The following NXF1 variants were observed in gnomAD, a reference collection of about 807,000 sequenced individuals.
The protein encoded by NXF1 is nuclear RNA export factor 1, also known as mRNA export factor TAP.
In NXF1, 43 loss-of-function variants were observed where a neutral mutation model predicts 92.4. The observed-to-expected ratio is 0.47, with a 90% CI of 0.36 to 0.60. The LOEUF (loss-of-function observed/expected upper bound fraction) is 0.60. Ranked by LOEUF, NXF1 falls within the 20% of genes least tolerant of loss-of-function variation. The pLI is 0.00. For synonymous variants in NXF1, 288 were observed against 292.2 expected, an observed-to-expected ratio of 0.99 and a Z score of 0.15; for missense variants, 576 against 793.0, an observed-to-expected ratio of 0.73 and a Z score of 3.29.
chr11:62,799,361 C>T, intron 10 of NXF1: 7 of 985,816 alleles, frequency 7.1e-6, no homozygotes, highest in Non-Finnish European at 8.4e-6. Flanking sequence ...TGTCTGCTAC[C>T]TGGGTCCCGA....
Position 62,800,498 on chromosome 11 carries a change from G to T in NXF1, c.907-12C>A, listed in dbSNP as rs771244159. On this transcript the variant is annotated splice_polypyrimidine_tract_variant and intron_variant, in intron 9 of 20. Coordinates refer to ENST00000294172, the MANE Select transcript of NXF1 (RefSeq NM_006362.5). The stretch of plus-strand genomic sequence containing the variant: ...CGCTCAGACTTCAACTGCAAAGGGT[G>T]GAAGGAACAAAGGGAGGAGACCCTG... 4 of 1,602,060 alleles carry T rather than the reference G, an allele frequency of 2.5e-6. No homozygotes were observed. Among genetic ancestry groups the T allele is most frequent in the Non-Finnish European group, 3.4e-6 (4 of 1,170,700 alleles).
chr11:62,805,298 G>C (rs1197272624), intron 1 of NXF1, 31 bp downstream of exon 1: 2 of 1,593,482 alleles, frequency 1.3e-6, no homozygotes, highest in Non-Finnish European at 1.7e-6. Flanking sequence ...GCCCCAGATA[G>C]CCAGTTCCCG....
intron 3 of NXF1, 28 bp downstream of exon 3, chr11:62,803,391 G>A (rs772910560): frequency 6.2e-7 from 1 of 1,605,340 alleles, no homozygotes; most frequent in East Asian, 2.2e-5. Flanking sequence ...TATCTCTACT[G>A]TACCATCTAC....
intron 3 of NXF1, among the ~76,000 whole-genome samples, chr11:62,802,923 A>G (rs1349555306): frequency 1.3e-5 from 2 of 152,186 alleles, no homozygotes; most frequent in Non-Finnish European, 2.9e-5. Context: ...CAAAATTTTC[A>G]TATTTCTCTT....
In NXF1 at chr11:62,792,704, G is replaced by A. The variant is rs372996716; in HGVS notation, c.1761-3C>T. ...CCCAGTTGTTGTCCTGAAGGCACCT[G>A]GAGTGGAAGAACAGGCAGCTCTGTA... On this transcript the variant is annotated splice_polypyrimidine_tract_variant and splice_region_variant and intron_variant, in intron 19 of 20. Coordinates refer to ENST00000294172, the MANE Select transcript of NXF1 (RefSeq NM_006362.5). 3.1e-6 allele frequency: 5 copies of A among 1,614,024 alleles called. No individual in the cohort carries two copies. In the African/African-American group the frequency reaches 6.7e-5, roughly 22 times the overall value.
chr11:62,796,187 G>T lies in NXF1; in HGVS notation c.1346-6C>A. 1.2e-6 allele frequency: 2 copies of T among 1,614,074 alleles called. No individual in the cohort carries two copies. The highest frequency in any genetic ancestry group is 8.5e-7 in the Non-Finnish European group (1 of 1,179,950). On this transcript the variant is annotated splice_region_variant and splice_polypyrimidine_tract_variant and intron_variant, in intron 15 of 20. Transcript: ENST00000294172. ...CAGCAGCCGGAACCGCAAGGCTGTG[G>T]GTAGAGGAGAAAGCTCAGTGGTGCT... is the stretch of plus-strand genomic sequence containing the variant.
chr11:62,801,247 T>C, intron 8 of NXF1, 46 bp from the exon 9 acceptor site: 1 of 1,606,528 alleles, frequency 6.2e-7, no homozygotes, highest in African/African-American at 1.3e-5. Flanking sequence ...AGCAAGTGGA[T>C]CAGAGACGAA....
chr11:62,793,339 AGT>A (rs2084386670), intron 19 of NXF1, among the ~76,000 whole-genome samples: 1 of 152,168 alleles, frequency 6.6e-6, no homozygotes, highest in Admixed American at 6.5e-5. Flanking sequence ...AGCCTCCCAA[AGT>A]GCTGGGATTA....
intron 10 of NXF1, chr11:62,800,047 C>T: frequency 8.7e-7 from 1 of 1,145,892 alleles, no homozygotes; most frequent in Non-Finnish European, 1.1e-6. Context: ...AGGGTATGTA[C>T]AAGATACCCT....
At chr11:62,804,326 G>GCAGAC (rs2084511792) in intron 1 of NXF1, 1 of 623,194 alleles carries the variant, frequency 1.6e-6, no homozygotes, top group Non-Finnish European at 2.4e-6. Context: ...TCTATACAGT[G>GCAGAC]CAGACGCCAG....
intron 1 of NXF1, among the ~76,000 whole-genome samples, chr11:62,804,859 T>C (rs1214202532): frequency 6.6e-6 from 1 of 152,142 alleles, no homozygotes; most frequent in Non-Finnish European, 1.5e-5. Flanking sequence ...ACTCCTAACT[T>C]ACTACAAAGA....
intron 11 of NXF1, among the ~76,000 whole-genome samples, chr11:62,798,216 T>C (rs548801990): frequency 6.7e-6 from 1 of 149,912 alleles, no homozygotes; most frequent in East Asian, 2.0e-4. Flanking sequence ...TCACCTGAGG[T>C]CAGGAATTCA....
At chr11:62,794,208 T>G (rs771240463) in intron 19 of NXF1, 50 bp downstream of exon 19, 1 of 1,549,888 alleles carries the variant, frequency 6.5e-7, no homozygotes, top group South Asian at 1.1e-5. Context: ...CATTATTTAC[T>G]ACTAGCCCTA....
chr11:62,803,780 C>T lies in NXF1; in HGVS notation c.215+12G>A, dbSNP rs369756097. On this transcript the variant is annotated intron_variant, in intron 2 of 20. Coordinates refer to ENST00000294172, the MANE Select transcript of NXF1 (RefSeq NM_006362.5). ...AGCCACTAAATTCAAACCAGACCAA[C>T]TGGTCACTCACTATCGTACTCGGGG... The T allele has an allele frequency of 6.2e-6, 10 of 1,610,076 alleles. No individual in the cohort carries two copies. Among genetic ancestry groups the T allele is most frequent in the South Asian group, 3.3e-5 (3 of 90,728 alleles).
At chr11:62,796,777 C>CA (rs982690759) in intron 13 of NXF1, among the ~76,000 whole-genome samples, 19 of 151,344 alleles carry the variant, frequency 1.3e-4, no homozygotes, top group Admixed American at 8.5e-4. Flanking sequence ...ACTAAAAATA[C>CA]AAAAAAAATG....
intron 17 of NXF1, 30 bp from the exon 18 acceptor site, chr11:62,795,037 G>A: frequency 6.3e-7 from 1 of 1,597,696 alleles, no homozygotes. Context: ...AACACCTTAG[G>A]GTCACTAGTG....
intron 19 of NXF1, among the ~76,000 whole-genome samples, chr11:62,793,246 T>C (rs770171593): frequency 2.6e-4 from 39 of 152,328 alleles, no homozygotes; most frequent in African/African-American, 9.1e-4. Flanking sequence ...GCCCCGCTAA[T>C]TTTTGTATTT....
chr11:62,795,993 T>G, intron 16 of NXF1, 50 bp from the exon 17 acceptor site: 3 of 1,610,402 alleles, frequency 1.9e-6, no homozygotes, highest in Non-Finnish European at 2.5e-6. Flanking sequence ...AGAGCCTGAG[T>G]GCCCCCCCTT....
chr11:62,794,014 T>A (rs577955921), intron 19 of NXF1, among the ~76,000 whole-genome samples: 27 of 146,676 alleles, frequency 1.8e-4, no homozygotes, highest in East Asian at 1.4e-3. Context: ...AAAAAAAAAA[T>A]AATAAAATAA....
Sources: gnomAD v4.1 joint callset for allele counts (sites outside exome capture counted in the v4.1 genomes callset) on GRCh38, gnomAD v4.1.1 for gene constraint, MANE v1.5 for transcripts, NCBI Gene and HGNC (gene_info 2026-07-23, HGNC 2026-07-21) for gene names.